The following PIEZO2 variants were observed in gnomAD, a reference collection of about 807,000 sequenced individuals.
PIEZO2 encodes piezo-type mechanosensitive ion channel component 2.
In PIEZO2, 172 loss-of-function variants were observed where a neutral mutation model predicts 337.3. The ratio of observed to expected loss-of-function variants is 0.51; its 90% CI spans 0.45 to 0.58. The LOEUF (loss-of-function observed/expected upper bound fraction) is 0.58. PIEZO2 is among the 20% of genes least tolerant of loss of function. The probability of loss-of-function intolerance (pLI) is 0.00; values close to 1 mark genes in which losing one functional copy is unlikely to be tolerated. For synonymous variants in PIEZO2, 1,251 were observed against 1,228.5 expected, an observed-to-expected ratio of 1.02 and a Z score of -0.38; for missense variants, 3,028 against 3,391.3, an observed-to-expected ratio of 0.89 and a Z score of 2.66.
chr18:10,679,829 T>A (rs1459173515), intron 52 of PIEZO2, among the ~76,000 whole-genome samples: 2 of 152,314 alleles, frequency 1.3e-5, no homozygotes, highest in Non-Finnish European at 2.9e-5. Context: ...TAAGAAACAT[T>A]TGAAATTTAA....
Position 10,759,779 on chromosome 18 carries a change from T to A in PIEZO2, c.3581A>T (p.Tyr1194Phe). Residue 1194 changes from tyrosine to phenylalanine, a missense_variant, in exon 25 of 56, where the codon TAC becomes TTC. Tyr to Phe is a conservative substitution (Grantham distance 22, BLOSUM62 3). Coordinates refer to ENST00000674853, the MANE Select transcript of PIEZO2 (RefSeq NM_001378183.1). This position sits in a 1 kb window ranked among gnomAD's most constrained non-coding sequence, Gnocchi z 5.5. ...RKAIAEIWPK[Y>F]CCFLACIITF... ...GATGATGCATGCCAGGAAGCAGCAG[T>A]ACTTGGGCCAGATCTCTGCGATGGC... 6.5e-7 allele frequency: 1 copy of A among 1,537,334 alleles called. No homozygotes were observed. Among genetic ancestry groups the A allele is most frequent in the Non-Finnish European group, 8.7e-7 (1 of 1,146,924 alleles).
Position 11,048,757 on chromosome 18 carries a change from G to A in PIEZO2, c.160+17370C>T, listed in dbSNP as rs1355273759. ...ATAAATAATACTATACCTGTCTCATGGGTATGGAAGCATTAAATGAATTAC... is the reference window on the plus strand; with the variant it reads ...ATAAATAATACTATACCTGTCTCATAGGTATGGAAGCATTAAATGAATTAC... On this transcript the variant is annotated intron_variant, in intron 2 of 55. Coordinates refer to ENST00000674853, the MANE Select transcript of PIEZO2 (RefSeq NM_001378183.1). The surrounding 1 kb of genome is among the most constrained non-coding windows in gnomAD (Gnocchi z 4.5). Among the ~76,000 whole-genome samples, 1 of 152,144 alleles carries A rather than the reference G, an allele frequency of 6.6e-6. No individual in the cohort carries two copies. Among genetic ancestry groups the A allele is most frequent in the Non-Finnish European group, 1.5e-5 (1 of 68,022 alleles).
intron 18 of PIEZO2, among the ~76,000 whole-genome samples, chr18:10,776,586 G>A (rs1881093): frequency 0.84 from 128,368 of 152,098 alleles, 54,257 homozygotes; most frequent in East Asian, 0.93. Flanking sequence ...AGAAAAAAAA[G>A]GAGCAAACAT....
At chr18:10,705,794 C>T (rs1360409739) in intron 40 of PIEZO2, 48 bp from the exon 41 acceptor site, 2 of 1,460,836 alleles carry the variant, frequency 1.4e-6, no homozygotes, top group Admixed American at 5.0e-5. Context: ...AGCATCCACA[C>T]TCCTGGGGTT....
At chr18:11,068,931 T>A (rs1453947880) in intron 1 of PIEZO2, among the ~76,000 whole-genome samples, 1 of 151,996 alleles carries the variant, frequency 6.6e-6, no homozygotes, top group Non-Finnish European at 1.5e-5. Context: ...AGGAAATGAA[T>A]AAATTCCTAG....
In PIEZO2 at chr18:10,683,031, G is replaced by A. The variant is rs1039199896; in HGVS notation, c.7498-739C>T. Among the ~76,000 whole-genome samples, 10 of 152,226 alleles carry A rather than the reference G, an allele frequency of 6.6e-5. 1 individual carries two copies. Among genetic ancestry groups the A allele is most frequent in the Admixed American group, 4.6e-4 (7 of 15,288 alleles). On this transcript the variant is annotated intron_variant, in intron 49 of 55. Coordinates refer to ENST00000674853, the MANE Select transcript of PIEZO2 (RefSeq NM_001378183.1). ...AGCTGTGCTGTCTGGCATTGAACCT[G>A]CTTCTGATCTACATGTGTGTTCTTT...
intron 1 of PIEZO2, among the ~76,000 whole-genome samples, chr18:11,108,458 A>G (rs1428382767): frequency 2.0e-5 from 2 of 99,408 alleles, no homozygotes; most frequent in Non-Finnish European, 4.1e-5. Flanking sequence ...TACTAAAAAT[A>G]CAAAAAGTAG....
chr18:11,032,914 A>G lies in PIEZO2; in HGVS notation c.160+33213T>C, dbSNP rs1463390627. 6.6e-6 allele frequency among the ~76,000 whole-genome samples: 1 copy of G among 152,168 alleles called. No individual in the cohort carries two copies. Among genetic ancestry groups the G allele is most frequent in the Non-Finnish European group, 1.5e-5 (1 of 68,030 alleles). On this transcript the variant is annotated intron_variant, in intron 2 of 55. Coordinates refer to ENST00000674853, the MANE Select transcript of PIEZO2 (RefSeq NM_001378183.1). The surrounding 1 kb of genome is among the most constrained non-coding windows in gnomAD (Gnocchi z 4.9). ...TAGCTCAGAAGACAGAGAGGAGAACATTGCTGAGGCCCTTCTAGCCATGGA... is the reference window on the plus strand; with the variant it reads ...TAGCTCAGAAGACAGAGAGGAGAACGTTGCTGAGGCCCTTCTAGCCATGGA...
rs758675113 is a variant in PIEZO2, at chr18:11,112,227, T to G, written c.64+36298A>C. Reference sequence around the variant, plus strand: ...TCTACAGGATCAGATATTCGGATATTTGTAAAGATAACGGTGACTTTTCAA... The same window carrying G: ...TCTACAGGATCAGATATTCGGATATGTGTAAAGATAACGGTGACTTTTCAA... On this transcript the variant is annotated intron_variant, in intron 1 of 55. Coordinates refer to ENST00000674853, the MANE Select transcript of PIEZO2 (RefSeq NM_001378183.1). The surrounding 1 kb of genome is among the most constrained non-coding windows in gnomAD (Gnocchi z 4.3). Among the ~76,000 whole-genome samples the G allele has an allele frequency of 6.6e-6, 1 of 152,222 alleles. No individual in the cohort carries two copies. Among genetic ancestry groups the G allele is most frequent in the Non-Finnish European group, 1.5e-5 (1 of 68,042 alleles).
chr18:10,671,505 T>C lies in PIEZO2; in HGVS notation c.*22A>G, dbSNP rs2033772582. ...AAAAAAATTCAAATGTTAACATTAT[T>C]TGCAGTCTGTGTTCTAAGGTTTCAA... On this transcript the variant is annotated 3_prime_UTR_variant, in exon 56 of 56. Transcript: ENST00000674853. 1 of 1,590,056 alleles carries C rather than the reference T, an allele frequency of 6.3e-7. No homozygotes were observed. Among genetic ancestry groups the C allele is most frequent in the East Asian group, 2.2e-5 (1 of 44,536 alleles).
intron 2 of PIEZO2, among the ~76,000 whole-genome samples, chr18:11,029,792 A>C (rs576339160): frequency 4.6e-5 from 7 of 151,972 alleles, no homozygotes; most frequent in Non-Finnish European, 7.4e-5. Context: ...CTTTTCAGAC[A>C]GGTCTTGTTG....
chr18:10,884,382 G>A (rs546366892), intron 4 of PIEZO2, among the ~76,000 whole-genome samples: 2 of 152,200 alleles, frequency 1.3e-5, no homozygotes, highest in Admixed American at 6.5e-5. Flanking sequence ...TACTTTCTGT[G>A]TGTTTGCTAG....
chr18:11,123,959 GATA>G, intron 1 of PIEZO2, among the ~76,000 whole-genome samples: 1 of 152,300 alleles, frequency 6.6e-6, no homozygotes, highest in Non-Finnish European at 1.5e-5. Context: ...AAGTATGTGA[GATA>G]ATGTTAAATA....
At chr18:11,061,821 TG>T (rs2037971722) in intron 2 of PIEZO2, among the ~76,000 whole-genome samples, 1 of 152,122 alleles carries the variant, frequency 6.6e-6, no homozygotes, top group African/African-American at 2.4e-5. Context: ...ATCGTGAAAA[TG>T]GCCATACTGC....
At position 11,032,453 on chromosome 18, in the gene PIEZO2, T is replaced by C. The variant is rs1332212918; in HGVS notation, c.160+33674A>G. On this transcript the variant is annotated intron_variant, in intron 2 of 55. Coordinates refer to ENST00000674853, the MANE Select transcript of PIEZO2 (RefSeq NM_001378183.1). The surrounding 1 kb of genome is among the most constrained non-coding windows in gnomAD (Gnocchi z 4.9). ...AATTTCAGCTCTTGCTCTATTAGAATACGGAGCTATTCTTGGCATGCTCTC... is the reference window on the plus strand; with the variant it reads ...AATTTCAGCTCTTGCTCTATTAGAACACGGAGCTATTCTTGGCATGCTCTC... 6.6e-6 allele frequency among the ~76,000 whole-genome samples: 1 copy of C among 152,212 alleles called. No homozygotes were observed. The highest frequency in any genetic ancestry group is 1.5e-5 in the Non-Finnish European group (1 of 68,038).
At position 11,092,494 on chromosome 18, in the gene PIEZO2, C is replaced by T. The variant is rs773019672; in HGVS notation, c.65-26272G>A. The stretch of plus-strand genomic sequence containing the variant: ...CATAGTTTAGAAACGATTTGTATTC[C>T]GTGGTTACAGATTTTAGTCTATATT... On this transcript the variant is annotated intron_variant, in intron 1 of 55. Transcript: ENST00000674853. The surrounding 1 kb of genome is among the most constrained non-coding windows in gnomAD (Gnocchi z 4.5). Among the ~76,000 whole-genome samples the T allele has an allele frequency of 1.2e-4, 19 of 152,028 alleles. No individual in the cohort carries two copies. The highest frequency in any genetic ancestry group is 1.1e-3 in the Admixed American group (17 of 15,266).
intron 2 of PIEZO2, among the ~76,000 whole-genome samples, chr18:11,000,044 C>A (rs2035474115): frequency 6.6e-6 from 1 of 152,212 alleles, no homozygotes; most frequent in Non-Finnish European, 1.5e-5. Context: ...TGTCTACTTT[C>A]TATTCCATTG....
intron 24 of PIEZO2, 47 bp downstream of exon 24, chr18:10,760,864 A>C: frequency 1.4e-6 from 2 of 1,457,288 alleles, no homozygotes; most frequent in East Asian, 2.5e-5. Flanking sequence ...CAGTTCTTTG[A>C]ATTTTCATGG....
intron 2 of PIEZO2, among the ~76,000 whole-genome samples, chr18:10,990,182 G>A (rs921556489): frequency 6.6e-5 from 10 of 152,016 alleles, no homozygotes; most frequent in Non-Finnish European, 8.8e-5. Context: ...AAAATGGTAA[G>A]AAACAAAAGG....
Sources: gnomAD v4.1 joint callset for allele counts (sites outside exome capture counted in the v4.1 genomes callset) on GRCh38, gnomAD v4.1.1 for gene constraint, Gnocchi (gnomAD v3.1) non-coding constraint, MANE v1.5 for transcripts, NCBI Gene and HGNC (gene_info 2026-07-23, HGNC 2026-07-21) for gene names.